Variants in SDK1 observed in about 807,000 individuals in gnomAD.
SDK1 encodes the protein sidekick cell adhesion molecule 1.
In SDK1, 157 loss-of-function variants were observed where a neutral mutation model predicts 245.5. The observed-to-expected ratio is 0.64, with a 90% CI of 0.56 to 0.73. SDK1 has a LOEUF of 0.73. SDK1 is among the 30% of genes least tolerant of loss of function. The probability of loss-of-function intolerance (pLI) is 0.00; values close to 1 mark genes in which losing one functional copy is unlikely to be tolerated. For missense variants in SDK1, 3,583 were observed against 3,002.3 expected (o/e 1.19, Z -4.52); for synonymous variants, 1,647 against 1,278.5 (o/e 1.29, Z -6.15).
chr7:3,615,555 C>T (rs962310350), intron 1 of SDK1, among the ~76,000 whole-genome samples: 3 of 151,716 alleles, frequency 2.0e-5, no homozygotes, highest in Non-Finnish European at 4.4e-5. Flanking sequence ...GCTTAAGGGA[C>T]AGCGACTGTG....
intron 1 of SDK1, among the ~76,000 whole-genome samples, chr7:3,434,707 C>A (rs1484916652): frequency 6.6e-6 from 1 of 152,120 alleles, no homozygotes; most frequent in Non-Finnish European, 1.5e-5. Context: ...CTCGATTTGC[C>A]TCCCTGTGAG....
chr7:3,535,951 A>G (rs1049509039), intron 1 of SDK1, among the ~76,000 whole-genome samples: 9 of 152,216 alleles, frequency 5.9e-5, no homozygotes, highest in Non-Finnish European at 1.3e-4. Flanking sequence ...TTACTAGTCA[A>G]TATCTAGTAC....
At chr7:4,170,303 CT>C (rs370393727) in intron 32 of SDK1, among the ~76,000 whole-genome samples, 43 of 152,142 alleles carry the variant, frequency 2.8e-4, no homozygotes, top group African/African-American at 9.9e-4. Flanking sequence ...AAAAATTAGC[CT>C]GGTGTGGTGG....
rs919991649 is a variant in SDK1 at position 3,812,520 on chromosome 7, C to G, written c.714-8930C>G. ...GATAGAAGGTGAATTCACATAAATT[C>G]AATGGAATTTTTCCATATACTTGCC... On this transcript the variant is annotated intron_variant, in intron 4 of 44. Coordinates refer to ENST00000404826, the MANE Select transcript of SDK1 (RefSeq NM_152744.4). 3.3e-5 allele frequency among the ~76,000 whole-genome samples: 5 copies of G among 152,172 alleles called. No homozygotes were observed. The South Asian group carries it at 1.0e-3, about 31-fold the overall frequency.
chr7:4,145,573 G>T, intron 28 of SDK1, 149 bp from the exon 29 acceptor site: 1 of 646,524 alleles, frequency 1.5e-6, no homozygotes. Flanking sequence ...ACAGCCATGA[G>T]ACCACCCTTT....
chr7:3,734,518 C>G (rs1779266802), intron 4 of SDK1, among the ~76,000 whole-genome samples: 1 of 152,182 alleles, frequency 6.6e-6, no homozygotes, highest in Non-Finnish European at 1.5e-5. Context: ...TAGAATTGTT[C>G]TTTAACTATC....
At chr7:3,544,510 A>C (rs556426087) in intron 1 of SDK1, among the ~76,000 whole-genome samples, 2 of 152,364 alleles carry the variant, frequency 1.3e-5, no homozygotes, top group South Asian at 4.1e-4. Flanking sequence ...AAGTTTCTTC[A>C]CATGGAAAAT....
chr7:4,133,663 T>C (rs1785009282), intron 28 of SDK1, among the ~76,000 whole-genome samples: 1 of 152,154 alleles, frequency 6.6e-6, no homozygotes, highest in Non-Finnish European at 1.5e-5. Flanking sequence ...AGGCTGGGGA[T>C]GGAGGCTGGG....
chr7:3,313,189 A>T (rs1779589808), intron 1 of SDK1, among the ~76,000 whole-genome samples: 1 of 152,220 alleles, frequency 6.6e-6, no homozygotes, highest in South Asian at 2.1e-4. Flanking sequence ...TGGGCAGATC[A>T]CGAGGTCAAG....
chr7:3,578,715 G>A lies in SDK1; in HGVS notation c.299-40365G>A, dbSNP rs1011383809. Among the ~76,000 whole-genome samples, 11 of 151,928 alleles carry A rather than the reference G, an allele frequency of 7.2e-5. No homozygotes were observed. In the East Asian group the frequency reaches 1.9e-3, roughly 27 times the overall value. The stretch of plus-strand genomic sequence containing the variant: ...TCTCCTGCTTGCACATCCGTTTATA[G>A]GCTCTCTGCAGGAAGACAAATACGG... On this transcript the variant is annotated intron_variant, in intron 1 of 44. Coordinates refer to ENST00000404826, the MANE Select transcript of SDK1 (RefSeq NM_152744.4).
At chr7:3,505,005 C>T (rs1013833697) in intron 1 of SDK1, among the ~76,000 whole-genome samples, 6 of 152,080 alleles carry the variant, frequency 3.9e-5, no homozygotes, top group South Asian at 2.1e-4. Flanking sequence ...ATAAAATGCC[C>T]AGTGGTGATA....
intron 1 of SDK1, among the ~76,000 whole-genome samples, chr7:3,355,588 C>T (rs903397714): frequency 1.3e-5 from 2 of 152,094 alleles, no homozygotes; most frequent in Non-Finnish European, 2.9e-5. Flanking sequence ...CTTCTCAATC[C>T]CCTGTTCCCT....
chr7:3,717,466 A>G (rs950015886), intron 4 of SDK1, among the ~76,000 whole-genome samples: 2 of 152,342 alleles, frequency 1.3e-5, no homozygotes, highest in South Asian at 4.1e-4. Context: ...TTATAGCATT[A>G]AATGTGTATA....
intron 1 of SDK1, among the ~76,000 whole-genome samples, chr7:3,361,797 A>G (rs577495628): frequency 6.6e-6 from 1 of 152,304 alleles, no homozygotes; most frequent in East Asian, 1.9e-4. Context: ...TCTATTCTCA[A>G]TCAATCAAGA....
intron 35 of SDK1, among the ~76,000 whole-genome samples, chr7:4,196,467 G>T (rs1004034058): frequency 6.6e-6 from 1 of 152,196 alleles, no homozygotes; most frequent in Non-Finnish European, 1.5e-5. Flanking sequence ...TGGACGTGCG[G>T]TGCCGTCTCT....
rs1583924799 is a variant in SDK1, at chr7:3,481,749, G to A, written c.299-137331G>A. Among the ~76,000 whole-genome samples the A allele has an allele frequency of 2.0e-5, 3 of 152,250 alleles. No homozygotes were observed. The East Asian group carries it at 5.8e-4, about 29-fold the overall frequency. On this transcript the variant is annotated intron_variant, in intron 1 of 44. Coordinates refer to ENST00000404826, the MANE Select transcript of SDK1 (RefSeq NM_152744.4). ...CCTGCTCTTATGCCTTAAGGCCTAG[G>A]GGTGCAAACAGCAGTTGTCATTTGC...
At chr7:3,302,039 G>C (rs1779281386) in intron 1 of SDK1, 155 bp downstream of exon 1, 2 of 443,684 alleles carry the variant, frequency 4.5e-6, no homozygotes, top group Non-Finnish European at 6.2e-6. Flanking sequence ...GCTCCTCCAC[G>C]CCAGACTCGG....
At chr7:4,161,649 G>A (rs1781129670) in intron 31 of SDK1, 137 bp from the exon 32 acceptor site, 4 of 691,092 alleles carry the variant, frequency 5.8e-6, no homozygotes, top group Admixed American at 2.2e-5. Context: ...CCGAGGAAGG[G>A]CAGGAGAAGG....
intron 4 of SDK1, among the ~76,000 whole-genome samples, chr7:3,660,631 T>C (rs2128659225): frequency 6.6e-6 from 1 of 152,262 alleles, no homozygotes; most frequent in South Asian, 2.1e-4. Context: ...TAGAAAGCCT[T>C]CTGGAAAAAA....
Sources: gnomAD v4.1 joint callset for allele counts (sites outside exome capture counted in the v4.1 genomes callset) on GRCh38, gnomAD v4.1.1 for gene constraint, MANE v1.5 for transcripts, NCBI Gene and HGNC (gene_info 2026-07-23, HGNC 2026-07-21) for gene names.